The following CAMKMT variants were observed in gnomAD, a reference collection of about 807,000 sequenced individuals.
The protein encoded by CAMKMT is CaM KMT.
CAMKMT carries 53 observed loss-of-function variants against 48.0 expected under a neutral mutation model. The ratio of observed to expected loss-of-function variants is 1.10; its 90% CI spans 0.89 to 1.39. The LOEUF (loss-of-function observed/expected upper bound fraction) is 1.39. Among genes scored for constraint, CAMKMT ranks in the 40% most tolerant of loss-of-function variants. The pLI, the probability that CAMKMT is intolerant of heterozygous loss-of-function variation, is 0.00. For missense variants in CAMKMT, 428 were observed against 402.7 expected, an observed-to-expected ratio of 1.06 and a Z score of -0.54; for synonymous variants, 165 against 152.3, an observed-to-expected ratio of 1.08 and a Z score of -0.61.
chr2:44,658,457 T>TCAGCACAGTTGCATGCTGACC (rs1674498451), intron 3 of CAMKMT, among the ~76,000 whole-genome samples: 1 of 152,188 alleles, frequency 6.6e-6, no homozygotes, highest in Non-Finnish European at 1.5e-5. Flanking sequence ...TAGAGCTGAC[T>TCAGCACAGTTGCATGCTGACC]CTGCACAGTT....
At chr2:44,499,913 T>C (rs1283604014) in intron 3 of CAMKMT, among the ~76,000 whole-genome samples, 1 of 148,756 alleles carries the variant, frequency 6.7e-6, no homozygotes, top group African/African-American at 2.6e-5. Flanking sequence ...GTTTATACCT[T>C]GGGTTGAATT....
intron 3 of CAMKMT, among the ~76,000 whole-genome samples, chr2:44,689,264 T>TTTA (rs1676501033): frequency 1.0e-4 from 14 of 136,254 alleles, no homozygotes; most frequent in Middle Eastern, 3.7e-3. Context: ...CAGCACTATT[T>TTTA]TTTATTTATT....
chr2:44,403,587 T>G (rs187685302), intron 3 of CAMKMT, among the ~76,000 whole-genome samples: 6 of 152,246 alleles, frequency 3.9e-5, no homozygotes, highest in East Asian at 1.9e-4. Context: ...TGTGCCTTTA[T>G]GAACCTTCAT....
At chr2:44,709,418 A>G (rs910334455) in intron 6 of CAMKMT, among the ~76,000 whole-genome samples, 11 of 152,098 alleles carry the variant, frequency 7.2e-5, no homozygotes, top group African/African-American at 2.4e-4. Context: ...TTTACCATGC[A>G]GTTGTTCTGT....
chr2:44,433,301 C>G (rs986332108), intron 3 of CAMKMT, among the ~76,000 whole-genome samples: 1 of 152,094 alleles, frequency 6.6e-6, no homozygotes, highest in African/African-American at 2.4e-5. Context: ...AAGATCTGGA[C>G]ATTCATGACT....
At chr2:44,390,921 A>G (rs1275790093) in intron 3 of CAMKMT, among the ~76,000 whole-genome samples, 1 of 152,188 alleles carries the variant, frequency 6.6e-6, no homozygotes, top group Non-Finnish European at 1.5e-5. Flanking sequence ...TCATGTGATG[A>G]AAGACATCAG....
rs186794987 is a variant in CAMKMT at position 44,528,746 on chromosome 2, A to G, written c.376+138441A>G. 2.9e-3 allele frequency among the ~76,000 whole-genome samples: 437 copies of G among 151,796 alleles called. 1 individual carries two copies. The highest frequency in any genetic ancestry group is 7.9e-3 in the African/African-American group (328 of 41,426). ...GCTTCTTCTTTGTTGAAGAAACTGG[A>G]CTATTCATCTTGTTTCTTGCACACA... On this transcript the variant is annotated intron_variant, in intron 3 of 10. Transcript: ENST00000378494.
intron 3 of CAMKMT, among the ~76,000 whole-genome samples, chr2:44,581,587 C>G (rs570467096): frequency 8.3e-4 from 126 of 152,270 alleles, no homozygotes; most frequent in Non-Finnish European, 1.4e-3. Flanking sequence ...ACTATTTGAG[C>G]TATTAAATAA....
At chr2:44,383,203 C>A (rs1680432385) in intron 2 of CAMKMT, among the ~76,000 whole-genome samples, 1 of 151,948 alleles carries the variant, frequency 6.6e-6, no homozygotes, top group Admixed American at 6.6e-5. Flanking sequence ...CTCGCTCTGT[C>A]ACCCAGGCTG....
chr2:44,705,112 G>A (rs1052735072), intron 4 of CAMKMT, among the ~76,000 whole-genome samples: 3 of 152,236 alleles, frequency 2.0e-5, no homozygotes, highest in Admixed American at 2.0e-4. Context: ...TTAACCGTAT[G>A]TACTTACAAG....
At chr2:44,749,864 G>C (rs1680081180) in intron 8 of CAMKMT, among the ~76,000 whole-genome samples, 1 of 152,172 alleles carries the variant, frequency 6.6e-6, no homozygotes, top group African/African-American at 2.4e-5. Context: ...CAGGGCCCTA[G>C]AGTAGGTGGT....
At chr2:44,562,906 C>T (rs899603905) in intron 3 of CAMKMT, among the ~76,000 whole-genome samples, 4 of 152,174 alleles carry the variant, frequency 2.6e-5, no homozygotes, top group African/African-American at 9.7e-5. Flanking sequence ...CTCCCCTGCT[C>T]AAGAGGACCT....
At chr2:44,580,059 C>A (rs992656053) in intron 3 of CAMKMT, among the ~76,000 whole-genome samples, 18 of 152,104 alleles carry the variant, frequency 1.2e-4, no homozygotes, top group Admixed American at 4.6e-4. Flanking sequence ...AGTGCCCACG[C>A]ACCCAGGGAT....
At chr2:44,728,455 C>T (rs1030985762) in intron 7 of CAMKMT, among the ~76,000 whole-genome samples, 2 of 152,124 alleles carry the variant, frequency 1.3e-5, no homozygotes, top group African/African-American at 4.8e-5. Context: ...GGGAGGAGCC[C>T]CTCCTCCTCA....
chr2:44,585,932 A>G (rs746869488), intron 3 of CAMKMT, among the ~76,000 whole-genome samples: 3 of 152,244 alleles, frequency 2.0e-5, no homozygotes, highest in Non-Finnish European at 4.4e-5. Flanking sequence ...TTACTCTGCA[A>G]TAGTCAATTT....
chr2:44,738,307 T>C (rs773371089), intron 7 of CAMKMT, among the ~76,000 whole-genome samples: 1 of 152,264 alleles, frequency 6.6e-6, no homozygotes, highest in Admixed American at 6.5e-5. Flanking sequence ...GTGTTGCTGA[T>C]GTTCAGTGTC....
At chr2:44,472,354 A>AT (rs1347549433) in intron 3 of CAMKMT, among the ~76,000 whole-genome samples, 1 of 152,184 alleles carries the variant, frequency 6.6e-6, no homozygotes, top group Non-Finnish European at 1.5e-5. Flanking sequence ...TTGAATGATT[A>AT]TTTTTTATTG....
At chr2:44,748,588 T>C (rs560530618) in intron 8 of CAMKMT, among the ~76,000 whole-genome samples, 1 of 152,268 alleles carries the variant, frequency 6.6e-6, no homozygotes, top group African/African-American at 2.4e-5. Context: ...ACTCAAGATA[T>C]TGGGCCAGAC....
chr2:44,664,571 A>G (rs1419224865), intron 3 of CAMKMT, among the ~76,000 whole-genome samples: 1 of 152,378 alleles, frequency 6.6e-6, no homozygotes, highest in East Asian at 1.9e-4. Flanking sequence ...CACTTTCTGT[A>G]TATAAGGTGC....
Sources: gnomAD v4.1 joint callset for allele counts (sites outside exome capture counted in the v4.1 genomes callset) on GRCh38, gnomAD v4.1.1 for gene constraint, MANE v1.5 for transcripts, NCBI Gene and HGNC (gene_info 2026-07-23, HGNC 2026-07-21) for gene names.